DNAH6: variants seen among roughly 807,000 people sequenced by gnomAD.
DNAH6 encodes axonemal beta dynein heavy chain 6.
A neutral mutation model predicts 491.4 loss-of-function variants in DNAH6; 340 were observed. The ratio of observed to expected loss-of-function variants is 0.69; its 90% CI spans 0.63 to 0.76. The LOEUF is 0.76. DNAH6 is among the 30% of genes least tolerant of loss of function. DNAH6 has a pLI of 0.00. For synonymous variants in DNAH6, 1,603 were observed against 1,686.1 expected (o/e 0.95, Z 1.21); for missense variants, 4,443 against 4,972.2 (o/e 0.89, Z 3.20).
At chr2:84,551,158 T>A (rs548264868) in intron 9 of DNAH6, among the ~76,000 whole-genome samples, 1 of 152,336 alleles carries the variant, frequency 6.6e-6, no homozygotes, top group Admixed American at 6.5e-5. Context: ...CACAACCTGA[T>A]GCTCTCAGCC....
At chr2:84,781,102 AT>A (rs1676646704) in intron 64 of DNAH6, among the ~76,000 whole-genome samples, 1 of 152,152 alleles carries the variant, frequency 6.6e-6, no homozygotes, top group African/African-American at 2.4e-5. Flanking sequence ...TTAGACTTTA[AT>A]TTTTTAAGTG....
Position 84,759,305 on chromosome 2 carries a change from C to T in DNAH6, c.10513-3450C>T, listed in dbSNP as rs181356104. Among the ~76,000 whole-genome samples, 426 of 151,922 alleles carry T rather than the reference C, an allele frequency of 2.8e-3. 1 individual carries two copies. The highest frequency in any genetic ancestry group is 9.3e-3 in the African/African-American group (386 of 41,436). ...GGTGGATTGCCTGAGCTCAGGAGTT[C>T]GAGACCAGCCTGGGCAACATGGCAA... is the stretch of plus-strand genomic sequence containing the variant. On this transcript the variant is annotated intron_variant, in intron 63 of 76. Transcript: ENST00000389394.
chr2:84,595,699 T>A lies in DNAH6; in HGVS notation c.2778T>A (p.Tyr926Ter). The A allele has an allele frequency of 1.3e-6, 2 of 1,551,204 alleles. No individual in the cohort carries two copies. Among genetic ancestry groups the A allele is most frequent in the South Asian group, 1.2e-5 (1 of 83,914 alleles). Residue 926 changes from tyrosine to a stop codon, truncating the protein, a stop_gained, in exon 18 of 77, where the codon TAT (tyrosine) becomes TAA (stop). Transcript: ENST00000389394. LOFTEE classifies it high-confidence loss of function. ...TCCTAAACGGTCAAGTTTCTAAATATGCTAAATTTGTGACTCAACTGGAAA... is the reference window on the plus strand; with the variant it reads ...TCCTAAACGGTCAAGTTTCTAAATAAGCTAAATTTGTGACTCAACTGGAAA... ...PEVLNGQVSK[Y>*]AKFVTQLEKG...
intron 29 of DNAH6, 64 bp from the exon 30 acceptor site, chr2:84,634,440 A>G: frequency 7.4e-7 from 1 of 1,359,044 alleles, no homozygotes; most frequent in South Asian, 2.0e-5. Context: ...TTCAGCTCAG[A>G]ATTTAATTTT....
chr2:84,517,998 A>G lies in DNAH6; in HGVS notation c.172A>G (p.Lys58Glu). 6.4e-7 allele frequency: 1 copy of G among 1,552,050 alleles called. No individual in the cohort carries two copies. The highest frequency in any genetic ancestry group is 8.7e-7 in the Non-Finnish European group (1 of 1,147,058). The change falls in exon 2 of 77, where the codon AAA (lysine) becomes GAA (glutamate). Residue 58 changes from lysine to glutamate, a missense_variant. Transcript: ENST00000389394. ...AATCCTAACGTTTAGGCACATTACA[A>G]AAGCTCAGGAGAAGACAAGAAAACG... ...TQILTFRHITKAQEKTRKRQQ... is the reference protein window; with the variant it reads ...TQILTFRHITEAQEKTRKRQQ...
chr2:84,807,277 G>A (rs1417631616), intron 71 of DNAH6, among the ~76,000 whole-genome samples: 1 of 152,226 alleles, frequency 6.6e-6, no homozygotes, highest in Non-Finnish European at 1.5e-5. Flanking sequence ...AGCCAAATGT[G>A]TGTGGTCAAG....
At chr2:84,698,863 AT>A (rs1421727794) in intron 47 of DNAH6, among the ~76,000 whole-genome samples, 1 of 152,248 alleles carries the variant, frequency 6.6e-6, no homozygotes, top group Non-Finnish European at 1.5e-5. Flanking sequence ...GCCATTAAAA[AT>A]AATGAAATTG....
At position 84,815,893 on chromosome 2, in the gene DNAH6, T is replaced by C; in HGVS notation, c.12183T>C (p.His4061=). 2 of 1,551,654 alleles carry C rather than the reference T, an allele frequency of 1.3e-6. No individual in the cohort carries two copies. Among genetic ancestry groups the C allele is most frequent in the African/African-American group, 2.7e-5 (2 of 73,132 alleles). ...LPSPEDGVLV[H]GMFMDASRWD... is the part of the protein sequence containing the mutation. ...CTCCTGAGGATGGTGTTCTTGTTCA[T>C]GGGATGTTCATGGATGCTTCTCGAT... The change falls in exon 76 of 77, where the codon CAT becomes CAC. Residue 4061 remains histidine, a synonymous_variant. Transcript: ENST00000389394.
chr2:84,594,878 G>A (rs564345459), intron 17 of DNAH6, among the ~76,000 whole-genome samples: 65 of 152,250 alleles, frequency 4.3e-4, no homozygotes, highest in African/African-American at 1.5e-3. Flanking sequence ...ACTCTTTGGT[G>A]GAGAAAATAG....
chr2:84,663,208 C>T (rs1326425766), intron 37 of DNAH6, among the ~76,000 whole-genome samples: 4 of 152,170 alleles, frequency 2.6e-5, no homozygotes, highest in Non-Finnish European at 4.4e-5. Context: ...CACAGCTCCT[C>T]GCCAGCAATG....
intron 2 of DNAH6, among the ~76,000 whole-genome samples, chr2:84,518,352 T>G (rs1675792357): frequency 6.6e-6 from 1 of 152,208 alleles, no homozygotes; most frequent in South Asian, 2.1e-4. Flanking sequence ...CTTTTAGATA[T>G]TAGGGTACCA....
intron 32 of DNAH6, 54 bp downstream of exon 32, chr2:84,640,632 T>G: frequency 6.7e-7 from 1 of 1,493,156 alleles, no homozygotes; most frequent in Non-Finnish European, 9.0e-7. Flanking sequence ...ATCAAATGCA[T>G]TAAATGGGTA....
intron 68 of DNAH6, among the ~76,000 whole-genome samples, chr2:84,791,461 A>G (rs967995486): frequency 1.3e-5 from 2 of 151,856 alleles, no homozygotes; most frequent in Admixed American, 1.3e-4. Flanking sequence ...ATGTATATGA[A>G]ATTTCCAGAC....
chr2:84,787,396 C>T, intron 68 of DNAH6, 94 bp downstream of exon 68: 1 of 952,610 alleles, frequency 1.0e-6, no homozygotes, highest in Non-Finnish European at 1.5e-6. Flanking sequence ...TGTCCTCCCC[C>T]AGTGTTTAAT....
chr2:84,679,673 G>C (rs1017565090), intron 41 of DNAH6, among the ~76,000 whole-genome samples: 1 of 152,192 alleles, frequency 6.6e-6, no homozygotes, highest in Admixed American at 6.5e-5. Context: ...AGAATACTAG[G>C]CTGTGGTCCT....
chr2:84,599,029 C>CAAAA (rs35322585), intron 18 of DNAH6, among the ~76,000 whole-genome samples: 2 of 118,244 alleles, frequency 1.7e-5, no homozygotes, highest in African/African-American at 6.3e-5. Context: ...GACTCAGTTT[C>CAAAA]AAAAAAAAAA....
chr2:84,750,129 T>G (rs1229943723), intron 63 of DNAH6, among the ~76,000 whole-genome samples: 1 of 151,914 alleles, frequency 6.6e-6, no homozygotes, highest in African/African-American at 2.4e-5. Context: ...AAGGAATTAT[T>G]GTTAATTTTT....
intron 4 of DNAH6, among the ~76,000 whole-genome samples, chr2:84,539,732 A>G (rs1228516965): frequency 1.3e-5 from 2 of 152,172 alleles, no homozygotes; most frequent in Admixed American, 6.6e-5. Context: ...ATTGAGAAAC[A>G]TTGACCATAG....
intron 73 of DNAH6, 76 bp from the exon 74 acceptor site, chr2:84,812,982 C>A: frequency 7.8e-7 from 1 of 1,277,128 alleles, no homozygotes; most frequent in Non-Finnish European, 1.1e-6. Flanking sequence ...AGAAACTCTC[C>A]CCAAATAGGA....
Sources: allele counts gnomAD v4.1 joint callset (sites outside exome capture counted in the v4.1 genomes callset), GRCh38; gene constraint gnomAD v4.1.1; transcripts MANE v1.5; gene names NCBI Gene and HGNC (gene_info 2026-07-23, HGNC 2026-07-21).